Variants in DAPK1 observed in about 807,000 individuals in gnomAD.
DAPK1 encodes death-associated protein kinase 1.
In DAPK1, 56 loss-of-function variants were observed where a neutral mutation model predicts 144.9. The ratio of observed to expected loss-of-function variants is 0.39; its 90% CI spans 0.31 to 0.48. The LOEUF is 0.48. Among genes scored for constraint, DAPK1 ranks in the 20% least tolerant of loss-of-function variants. The probability of loss-of-function intolerance (pLI) is 0.95; values close to 1 mark genes in which losing one functional copy is unlikely to be tolerated. For synonymous variants in DAPK1, 690 were observed against 749.0 expected (o/e 0.92, Z 1.29); for missense variants, 1,454 against 1,875.4 (o/e 0.78, Z 4.15).
At chr9:87,699,476 G>T (rs1825383925) in intron 23 of DAPK1, among the ~76,000 whole-genome samples, 1 of 152,178 alleles carries the variant, frequency 6.6e-6, no homozygotes, top group Non-Finnish European at 1.5e-5. Context: ...GACAGGATAG[G>T]ATAGATCAGA....
intron 1 of DAPK1, chr9:87,498,689 G>GGCC: frequency 2.5e-6 from 1 of 398,188 alleles, no homozygotes; most frequent in Admixed American, 4.1e-5. Flanking sequence ...GGGGAGGCCA[G>GGCC]TCACTTCCGG....
chr9:87,659,766 C>G (rs6560013), intron 18 of DAPK1, among the ~76,000 whole-genome samples: 1 of 152,114 alleles, frequency 6.6e-6, no homozygotes, highest in Non-Finnish European at 1.5e-5. Flanking sequence ...CCAGAGCTAA[C>G]CTCAGAGCCG....
At position 87,651,691 on chromosome 9, in the gene DAPK1, T is replaced by G. The variant is rs753385657; in HGVS notation, c.1791T>G (p.Cys597Trp). 1 of 1,614,140 alleles carries G rather than the reference T, an allele frequency of 6.2e-7. No individual in the cohort carries two copies. Among genetic ancestry groups the G allele is most frequent in the East Asian group, 2.2e-5 (1 of 44,884 alleles). The change falls in exon 17 of 26, where the codon TGT (cysteine) becomes TGG (tryptophan). Residue 597 changes from cysteine (C) to tryptophan (W), a missense_variant. By Grantham distance (215) the Cys-to-Trp change is radical (BLOSUM62 -2). This residue lies in a region of DAPK1 where 1,025 missense variants were observed against 1,237.9 expected (regional missense o/e 0.83). Transcript: ENST00000408954. ...ACATGCCTATCGTGGTGGCCCTCTGTGAAGCAAACTGCAATTTGGACATCT... is the reference window on the plus strand; with the variant it reads ...ACATGCCTATCGTGGTGGCCCTCTGGGAAGCAAACTGCAATTTGGACATCT... The part of the protein sequence containing the change: ...DGNMPIVVAL[C>W]EANCNLDISN...
At chr9:87,603,359 G>A (rs1350907230) in intron 2 of DAPK1, among the ~76,000 whole-genome samples, 5 of 152,150 alleles carry the variant, frequency 3.3e-5, no homozygotes, top group Non-Finnish European at 7.3e-5. Flanking sequence ...TTAAGGTAGC[G>A]AGTTTACAGG....
rs375521809 is a variant in DAPK1, at chr9:87,550,110, T to A, written c.62+50971T>A. Among the ~76,000 whole-genome samples, 6 of 152,328 alleles carry A rather than the reference T, an allele frequency of 3.9e-5. No homozygotes were observed. The South Asian group carries it at 8.3e-4, about 21-fold the overall frequency. On this transcript the variant is annotated intron_variant, in intron 2 of 25. Coordinates refer to ENST00000408954, the MANE Select transcript of DAPK1 (RefSeq NM_004938.4). ...TGACAATTGCATTCCCTGGGTAACATGAACCCCTGTCAGGATAATCACAAA... is the reference window on the plus strand; with the variant it reads ...TGACAATTGCATTCCCTGGGTAACAAGAACCCCTGTCAGGATAATCACAAA...
chr9:87,647,096 C>T (rs11141920), intron 13 of DAPK1, among the ~76,000 whole-genome samples: 18,673 of 152,308 alleles, frequency 0.12, 1,484 homozygotes, highest in South Asian at 0.25. Context: ...TCATTCGCTT[C>T]ACCCAGGTGC....
In DAPK1 at chr9:87,643,451, A is replaced by G; in HGVS notation, c.994A>G (p.Arg332Gly). The G allele has an allele frequency of 6.2e-7, 1 of 1,608,134 alleles. No homozygotes were observed. Residue 332 changes from arginine to glycine, a missense_variant, in exon 11 of 26, where the codon AGA becomes GGA. This residue lies in a region of DAPK1 where 429 missense variants were observed against 637.5 expected (regional missense o/e 0.67). Coordinates refer to ENST00000408954, the MANE Select transcript of DAPK1 (RefSeq NM_004938.4). Reference sequence around the variant, plus strand: ...GTCCAGAAGTAACATGAGTGTTGCCAGAAGCGATGATACTCTGGTAAGCAA... The same window carrying G: ...GTCCAGAAGTAACATGAGTGTTGCCGGAAGCGATGATACTCTGGTAAGCAA... ...FLSRSNMSVA[R>G]SDDTLDEEDS...
intron 11 of DAPK1, among the ~76,000 whole-genome samples, chr9:87,645,536 T>C (rs1405315723): frequency 6.6e-6 from 1 of 152,228 alleles, no homozygotes; most frequent in Non-Finnish European, 1.5e-5. Flanking sequence ...AGAGAGTCTG[T>C]GTTATACCTA....
intron 2 of DAPK1, among the ~76,000 whole-genome samples, chr9:87,526,366 T>C (rs901531161): frequency 6.6e-6 from 1 of 152,236 alleles, no homozygotes; most frequent in Non-Finnish European, 1.5e-5. Context: ...TTTTCTGTTC[T>C]TGCAGTGTCT....
At chr9:87,616,097 G>C (rs1829085360) in intron 3 of DAPK1, among the ~76,000 whole-genome samples, 1 of 152,300 alleles carries the variant, frequency 6.6e-6, no homozygotes, top group African/African-American at 2.4e-5. Flanking sequence ...GGCCTCCCAG[G>C]GCCCCTCACC....
chr9:87,669,433 AC>A (rs1798707384), intron 19 of DAPK1, among the ~76,000 whole-genome samples: 1 of 152,174 alleles, frequency 6.6e-6, no homozygotes, highest in South Asian at 2.1e-4. Context: ...AGAAAATGAT[AC>A]AAGTGATGTT....
intron 18 of DAPK1, among the ~76,000 whole-genome samples, chr9:87,662,574 T>TTTTTTTTTG (rs1830898393): frequency 7.6e-6 from 1 of 131,466 alleles, no homozygotes; most frequent in African/African-American, 2.8e-5. Context: ...TTTTTTTTTT[T>TTTTTTTTTG]TTTTTTTTTT....
At chr9:87,592,593 C>T (rs985827690) in intron 2 of DAPK1, among the ~76,000 whole-genome samples, 3 of 152,152 alleles carry the variant, frequency 2.0e-5, no homozygotes, top group African/African-American at 7.2e-5. Context: ...GTGGCACTTC[C>T]GAGAGTTAAC....
intron 2 of DAPK1, among the ~76,000 whole-genome samples, chr9:87,559,094 G>A (rs904139685): frequency 4.6e-5 from 7 of 152,318 alleles, no homozygotes; most frequent in Admixed American, 2.0e-4. Context: ...GGCATTCGTA[G>A]AGCCTGTACT....
intron 2 of DAPK1, among the ~76,000 whole-genome samples, chr9:87,555,413 A>G (rs1826672231): frequency 6.6e-6 from 1 of 152,194 alleles, no homozygotes; most frequent in African/African-American, 2.4e-5. Context: ...GGGCTATCTG[A>G]TATACTTCCT....
intron 16 of DAPK1, among the ~76,000 whole-genome samples, chr9:87,651,019 G>A (rs561099293): frequency 2.6e-5 from 4 of 152,306 alleles, no homozygotes; most frequent in African/African-American, 9.6e-5. Context: ...TAGAATGAAT[G>A]CCCGGGCTGG....
chr9:87,518,192 A>T (rs1162460401), intron 2 of DAPK1, among the ~76,000 whole-genome samples: 1 of 138,006 alleles, frequency 7.2e-6, no homozygotes, highest in Non-Finnish European at 1.5e-5. Flanking sequence ...GCTCACTGCA[A>T]CCTCCACCTC....
Position 87,574,536 on chromosome 9 carries a change from T to C in DAPK1, c.63-30418T>C, listed in dbSNP as rs555455291. Among the ~76,000 whole-genome samples the C allele has an allele frequency of 1.8e-4, 27 of 152,310 alleles. 1 individual carries two copies. In the East Asian group the frequency reaches 5.0e-3, roughly 28 times the overall value. On this transcript the variant is annotated intron_variant, in intron 2 of 25. Coordinates refer to ENST00000408954, the MANE Select transcript of DAPK1 (RefSeq NM_004938.4). The stretch of plus-strand genomic sequence containing the variant: ...GCAGAGCTGGCCCTTAGAGGTGATA[T>C]TAATTAACCATGGCTTAATAATTTA...
intron 2 of DAPK1, among the ~76,000 whole-genome samples, chr9:87,559,796 G>T (rs944359817): frequency 6.6e-6 from 1 of 152,116 alleles, no homozygotes; most frequent in African/African-American, 2.4e-5. Context: ...AAGGACTCTG[G>T]TGTGGACCTT....
Sources: allele counts gnomAD v4.1 joint callset (sites outside exome capture counted in the v4.1 genomes callset), GRCh38; gene constraint gnomAD v4.1.1; regional missense constraint gnomAD v4.1.1; transcripts MANE v1.5; gene names NCBI Gene and HGNC (gene_info 2026-07-23, HGNC 2026-07-21).